WDR7: variants seen among roughly 807,000 people sequenced by gnomAD.
WDR7 encodes WD repeat domain 7, also known as WD repeat-containing protein 7.
In WDR7, 46 loss-of-function variants were observed where a neutral mutation model predicts 169.4. That is an observed-to-expected ratio of 0.27 (90% CI 0.21 to 0.35). WDR7 has a LOEUF of 0.35. Among genes scored for constraint, WDR7 ranks in the 10% least tolerant of loss-of-function variants. The pLI, the probability that WDR7 is intolerant of heterozygous loss-of-function variation, is 1.00. For missense variants in WDR7, 1,534 were observed against 1,859.3 expected (o/e 0.83, Z 3.22); for synonymous variants, 612 against 666.8 (o/e 0.92, Z 1.27).
At chr18:56,706,190 A>G (rs2025949206) in intron 12 of WDR7, among the ~76,000 whole-genome samples, 1 of 152,242 alleles carries the variant, frequency 6.6e-6, no homozygotes, top group Non-Finnish European at 1.5e-5. Context: ...AGATTTGACA[A>G]GCTGGTAAAA....
rs990537761 is a variant in WDR7 at position 56,664,348 on chromosome 18, T to C, written c.-19-8149T>C. On this transcript the variant is annotated intron_variant, in intron 1 of 27. Coordinates refer to ENST00000254442, the MANE Select transcript of WDR7 (RefSeq NM_015285.3). ...ACAGATTTCAAAATGCTAATTGTAA[T>C]GAGAGGGAGAGAGATTGTTAGGGTT... Among the ~76,000 whole-genome samples, 4 of 152,256 alleles carry C rather than the reference T, an allele frequency of 2.6e-5. No homozygotes were observed. In the East Asian group the frequency reaches 5.8e-4, roughly 22 times the overall value.
At position 56,786,253 on chromosome 18, in the gene WDR7, G is replaced by A. The variant is rs999013537; in HGVS notation, c.3190+4597G>A. 9.2e-5 allele frequency among the ~76,000 whole-genome samples: 14 copies of A among 152,172 alleles called. No homozygotes were observed. The East Asian group carries it at 2.3e-3, about 25-fold the overall frequency. ...TTGTTATAAGAATAAAGTCCTTACCGGGCGCAGTGGCTCACGCCTGTAATC... is the reference window on the plus strand; with the variant it reads ...TTGTTATAAGAATAAAGTCCTTACCAGGCGCAGTGGCTCACGCCTGTAATC... On this transcript the variant is annotated intron_variant, in intron 19 of 27. Coordinates refer to ENST00000254442, the MANE Select transcript of WDR7 (RefSeq NM_015285.3).
intron 2 of WDR7, among the ~76,000 whole-genome samples, chr18:56,679,100 C>T (rs1037644149): frequency 6.6e-6 from 1 of 152,186 alleles, no homozygotes; most frequent in Non-Finnish European, 1.5e-5. Context: ...TGTTTTAAGG[C>T]CCTGGGTCTC....
chr18:56,837,860 A>G (rs1419335068), intron 20 of WDR7, among the ~76,000 whole-genome samples: 5 of 152,100 alleles, frequency 3.3e-5, no homozygotes, highest in Non-Finnish European at 7.4e-5. Context: ...GGGTTTCACC[A>G]TGTTGGCCAG....
chr18:56,923,943 T>C lies in WDR7; in HGVS notation c.3548T>C (p.Leu1183Pro). The C allele has an allele frequency of 6.4e-7, 1 of 1,565,190 alleles. No homozygotes were observed. Among genetic ancestry groups the C allele is most frequent in the Non-Finnish European group, 8.6e-7 (1 of 1,161,146 alleles). ...RHTCKALTFL[L>P]LQPPSPKLPP... ...TCAGGCAAGGCACTGACGTTTCTTC[T>C]GCTACAGCCTCCAAGCCCCAAACTT... Residue 1183 changes from leucine to proline, a missense_variant, in exon 22 of 28, where the codon CTG (leucine) becomes CCG (proline). Physicochemically the swap from Leu to Pro is moderately conservative, Grantham distance 98. Transcript: ENST00000254442.
At chr18:56,680,561 A>T (rs62101683) in intron 3 of WDR7, among the ~76,000 whole-genome samples, 1 of 152,260 alleles carries the variant, frequency 6.6e-6, no homozygotes. Context: ...AGAAAATGGT[A>T]TCTTAAAGAA....
intron 21 of WDR7, among the ~76,000 whole-genome samples, chr18:56,917,478 T>C (rs1232373036): frequency 1.3e-5 from 2 of 152,168 alleles, no homozygotes; most frequent in Admixed American, 6.5e-5. Context: ...TGCTTTGTGA[T>C]AGGGATAAAT....
intron 21 of WDR7, among the ~76,000 whole-genome samples, chr18:56,883,509 T>A (rs1428586447): frequency 1.3e-5 from 2 of 149,752 alleles, no homozygotes; most frequent in Non-Finnish European, 3.0e-5. Flanking sequence ...GTTTTTTTGT[T>A]TTTTTTTTTT....
chr18:56,991,140 C>G (rs2047808375), intron 26 of WDR7, among the ~76,000 whole-genome samples: 1 of 106,170 alleles, frequency 9.4e-6, no homozygotes, highest in African/African-American at 4.0e-5. Flanking sequence ...ACACCTTCTC[C>G]TCATTTTTTT....
At chr18:56,813,245 A>C (rs1390907888) in intron 19 of WDR7, among the ~76,000 whole-genome samples, 1 of 151,936 alleles carries the variant, frequency 6.6e-6, no homozygotes, top group African/African-American at 2.4e-5. Flanking sequence ...CGTTCTTTCT[A>C]AAATGTGTGT....
At chr18:56,832,427 A>G (rs1308253183) in intron 20 of WDR7, among the ~76,000 whole-genome samples, 1 of 152,100 alleles carries the variant, frequency 6.6e-6, no homozygotes, top group Non-Finnish European at 1.5e-5. Flanking sequence ...GCAGACTTAA[A>G]CGTTCCAGCC....
chr18:56,936,224 T>G, intron 23 of WDR7: 1 of 234,854 alleles, frequency 4.3e-6, no homozygotes, highest in Non-Finnish European at 8.2e-6. Flanking sequence ...TTCACACTTT[T>G]CACATGTAAG....
intron 27 of WDR7, among the ~76,000 whole-genome samples, chr18:57,022,136 C>G (rs1018676297): frequency 2.0e-5 from 3 of 152,200 alleles, no homozygotes; most frequent in African/African-American, 7.2e-5. Flanking sequence ...TGGTGTTTTC[C>G]ACTCCTGAAA....
chr18:56,845,739 A>T lies in WDR7; in HGVS notation c.3304+29595A>T, dbSNP rs146040674. ...TTTAAAATGGATTAGCTTCATTTTC[A>T]TGTGTCTTCATGTATTTATAATTCA... is the stretch of plus-strand genomic sequence containing the variant. On this transcript the variant is annotated intron_variant, in intron 20 of 27. Transcript: ENST00000254442. 4.3e-4 allele frequency among the ~76,000 whole-genome samples: 66 copies of T among 152,274 alleles called. 3 individuals carry two copies. The East Asian group carries it at 0.012, about 28-fold the overall frequency.
intron 5 of WDR7, among the ~76,000 whole-genome samples, chr18:56,685,363 T>C (rs11151973): frequency 0.73 from 111,146 of 152,144 alleles, 44,470 homozygotes; most frequent in East Asian, 0.96. Context: ...TGATTTTGCT[T>C]TTAACATTCC....
intron 26 of WDR7, among the ~76,000 whole-genome samples, chr18:56,980,568 A>C (rs577094766): frequency 6.9e-6 from 1 of 145,972 alleles, no homozygotes; most frequent in South Asian, 2.1e-4. Flanking sequence ...TAAGCAAATA[A>C]TTAAAGAAAC....
chr18:56,904,310 T>TC (rs1487822700), intron 21 of WDR7, among the ~76,000 whole-genome samples: 4 of 152,152 alleles, frequency 2.6e-5, no homozygotes, highest in Non-Finnish European at 5.9e-5. Context: ...CCTCAGGTGA[T>TC]CCGCCTGTCT....
In WDR7 at chr18:57,027,039, G is replaced by A. The variant is rs773977623; in HGVS notation, c.4305G>A (p.Leu1435=). Residue 1435 remains leucine, a synonymous_variant, in exon 28 of 28, where the codon CTG becomes CTA. Transcript: ENST00000254442. ...NTSLLGSIGM[L]NSAPQLRCIK... is the part of the protein sequence containing the mutation. ...CACTGCTGGGAAGCATCGGCATGCT[G>A]AACTCGGCACCTCAGCTGCGCTGCA... is the stretch of plus-strand genomic sequence containing the variant. The A allele has an allele frequency of 1.2e-6, 2 of 1,614,104 alleles. No individual in the cohort carries two copies. The highest frequency in any genetic ancestry group is 1.7e-6 in the Non-Finnish European group (2 of 1,180,024).
intron 25 of WDR7, among the ~76,000 whole-genome samples, chr18:56,949,364 G>A (rs1161165784): frequency 1.3e-5 from 2 of 152,096 alleles, no homozygotes; most frequent in Non-Finnish European, 2.9e-5. Context: ...ATTTTGCATT[G>A]ATGTAGAAAT....
Sources: allele counts gnomAD v4.1 joint callset (sites outside exome capture counted in the v4.1 genomes callset), GRCh38; gene constraint gnomAD v4.1.1; transcripts MANE v1.5; gene names NCBI Gene and HGNC (gene_info 2026-07-23, HGNC 2026-07-21).